EGFLAM: variants seen among roughly 807,000 people sequenced by gnomAD.
EGFLAM encodes EGF like, fibronectin type III and laminin G domains.
Under a neutral mutation model 113.1 loss-of-function variants are expected in EGFLAM, and 79 were observed. The ratio of observed to expected loss-of-function variants is 0.70; its 90% CI spans 0.58 to 0.84. The LOEUF (loss-of-function observed/expected upper bound fraction) is 0.84. Among genes scored for constraint, EGFLAM ranks in the 40% least tolerant of loss-of-function variants. The pLI is 0.00. For missense variants in EGFLAM, 1,265 were observed against 1,291.6 expected (o/e 0.98, Z 0.32); for synonymous variants, 504 against 487.6 (o/e 1.03, Z -0.44).
intron 6 of EGFLAM, among the ~76,000 whole-genome samples, chr5:38,400,485 C>T (rs1185537433): frequency 6.6e-6 from 1 of 152,124 alleles, no homozygotes; most frequent in East Asian, 1.9e-4. Flanking sequence ...TAACCCCAGG[C>T]TACAGGGAGA....
intron 16 of EGFLAM, among the ~76,000 whole-genome samples, chr5:38,437,765 G>A (rs902860068): frequency 6.6e-6 from 1 of 152,086 alleles, no homozygotes; most frequent in Non-Finnish European, 1.5e-5. Flanking sequence ...GCGTCACTCC[G>A]CAGATTCTCC....
intron 11 of EGFLAM, among the ~76,000 whole-genome samples, chr5:38,417,407 A>G (rs1303304238): frequency 1.3e-5 from 2 of 150,572 alleles, no homozygotes; most frequent in African/African-American, 2.4e-5. Flanking sequence ...ATTTTGTCCC[A>G]TCTAATCTTC....
intron 20 of EGFLAM, chr5:38,461,192 G>C (rs1743260062): frequency 6.6e-6 from 1 of 152,146 alleles, no homozygotes; most frequent in Non-Finnish European, 1.5e-5. Flanking sequence ...TCTTAGGTGA[G>C]GATGCTGAAG....
intron 3 of EGFLAM, among the ~76,000 whole-genome samples, chr5:38,349,899 C>A (rs1200948638): frequency 1.5e-5 from 2 of 137,874 alleles, no homozygotes; most frequent in African/African-American, 5.5e-5. Flanking sequence ...CAAATCAAGA[C>A]CTCAGTTTCT....
chr5:38,439,757 G>A (rs1045794345), intron 17 of EGFLAM, among the ~76,000 whole-genome samples: 1 of 152,166 alleles, frequency 6.6e-6, no homozygotes, highest in African/African-American at 2.4e-5. Context: ...TAGCTAATAG[G>A]TTGTACTTAC....
chr5:38,388,928 A>C (rs1032501827), intron 6 of EGFLAM, among the ~76,000 whole-genome samples: 2 of 137,736 alleles, frequency 1.5e-5, no homozygotes, highest in South Asian at 2.3e-4. Flanking sequence ...AAAAAAAAAA[A>C]AAAACAAAAA....
At chr5:38,305,659 T>G (rs1758702096) in intron 1 of EGFLAM, 1 of 198,000 alleles carries the variant, frequency 5.1e-6, no homozygotes, top group South Asian at 7.9e-5. Context: ...AAAATAATGT[T>G]GATAAAACAT....
At chr5:38,337,715 T>A (rs1439443578) in intron 2 of EGFLAM, 86 bp downstream of exon 2, 1 of 1,092,942 alleles carries the variant, frequency 9.1e-7, no homozygotes, top group Non-Finnish European at 1.3e-6. Context: ...TAGATATCTG[T>A]CCTTCCATAT....
intron 6 of EGFLAM, among the ~76,000 whole-genome samples, chr5:38,395,129 G>A (rs1183166939): frequency 6.6e-6 from 1 of 151,786 alleles, no homozygotes; most frequent in Non-Finnish European, 1.5e-5. Context: ...TAGTAGAGGC[G>A]GGATTTTTCC....
chr5:38,449,104 T>G (rs1742820597), intron 18 of EGFLAM, among the ~76,000 whole-genome samples: 1 of 138,678 alleles, frequency 7.2e-6, no homozygotes, highest in Non-Finnish European at 1.5e-5. Flanking sequence ...GCCCCTTATC[T>G]CTTTCTTTCC....
chr5:38,359,994 G>C (rs979271425), intron 5 of EGFLAM, among the ~76,000 whole-genome samples: 50 of 152,044 alleles, frequency 3.3e-4, no homozygotes, highest in African/African-American at 1.2e-3. Flanking sequence ...ATGCAACCTG[G>C]GTGGGTTTTT....
At chr5:38,337,684 C>T in intron 2 of EGFLAM, 55 bp downstream of exon 2, 1 of 1,396,720 alleles carries the variant, frequency 7.2e-7, no homozygotes, top group Non-Finnish European at 9.9e-7. Flanking sequence ...GACTGTATGT[C>T]TTTCTCATCC....
intron 12 of EGFLAM, among the ~76,000 whole-genome samples, chr5:38,421,912 C>A (rs963080987): frequency 2.0e-5 from 3 of 152,086 alleles, no homozygotes; most frequent in African/African-American, 7.2e-5. Context: ...AGAAGATCTT[C>A]TGACAGCTCA....
chr5:38,376,142 C>T (rs991219991), intron 6 of EGFLAM, among the ~76,000 whole-genome samples: 1 of 151,972 alleles, frequency 6.6e-6, no homozygotes, highest in African/African-American at 2.4e-5. Flanking sequence ...GAGTGCAGAA[C>T]TGGGGGCTTT....
intron 17 of EGFLAM, among the ~76,000 whole-genome samples, chr5:38,442,270 A>C (rs1425599268): frequency 6.8e-6 from 1 of 147,746 alleles, no homozygotes; most frequent in African/African-American, 2.5e-5. Flanking sequence ...AATATATTAA[A>C]TGTTATGTCA....
At chr5:38,427,406 G>T in intron 14 of EGFLAM, 154 bp downstream of exon 14, 2 of 1,293,684 alleles carry the variant, frequency 1.5e-6, no homozygotes, top group Admixed American at 2.6e-5. Context: ...CCTGCTTCAG[G>T]CAGATGACAG....
chr5:38,302,618 C>T (rs1162617708), intron 1 of EGFLAM, among the ~76,000 whole-genome samples: 1 of 151,626 alleles, frequency 6.6e-6, no homozygotes, highest in Non-Finnish European at 1.5e-5. Context: ...GTTCATTTTC[C>T]CCCAACAGTT....
intron 17 of EGFLAM, among the ~76,000 whole-genome samples, chr5:38,442,923 CCAAA>C (rs1742591625): frequency 6.6e-6 from 1 of 152,220 alleles, no homozygotes; most frequent in African/African-American, 2.4e-5. Context: ...CCTAGGACAA[CCAAA>C]CATTCAGACG....
chr5:38,274,409 G>A (rs375451586), intron 1 of EGFLAM, among the ~76,000 whole-genome samples: 14 of 152,142 alleles, frequency 9.2e-5, no homozygotes, highest in South Asian at 4.2e-4. Flanking sequence ...TATTATAATC[G>A]AACTGTCAAA....
Sources: gnomAD v4.1 joint callset for allele counts (sites outside exome capture counted in the v4.1 genomes callset) on GRCh38, gnomAD v4.1.1 for gene constraint, MANE v1.5 for transcripts, NCBI Gene and HGNC (gene_info 2026-07-23, HGNC 2026-07-21) for gene names.